The following PCDH15 variants were observed in gnomAD, a reference collection of about 807,000 sequenced individuals.
PCDH15 encodes protocadherin-15.
In PCDH15, 129 loss-of-function variants were observed where a neutral mutation model predicts 178.5. The observed-to-expected ratio is 0.72, with a 90% CI of 0.63 to 0.84. PCDH15 has a LOEUF of 0.84. Ranked by LOEUF, PCDH15 falls within the 40% of genes least tolerant of loss-of-function variation. The pLI, the probability that PCDH15 is intolerant of heterozygous loss-of-function variation, is 0.00. For missense variants in PCDH15, 2,230 were observed against 2,099.9 expected (o/e 1.06, Z -1.21); for synonymous variants, 800 against 732.0 (o/e 1.09, Z -1.50).
intron 8 of PCDH15, among the ~76,000 whole-genome samples, chr10:54,240,935 C>G (rs968610187): frequency 1.2e-4 from 19 of 152,022 alleles, no homozygotes; most frequent in Non-Finnish European, 2.4e-4. Flanking sequence ...CTGGCCAATT[C>G]TGTTATTTTC....
At chr10:54,889,500 G>GAT (rs397688090) in intron 3 of PCDH15, among the ~76,000 whole-genome samples, 94,749 of 141,910 alleles carry the variant, frequency 0.67, 31,618 homozygotes, top group East Asian at 0.86. Context: ...TAATTGTGAA[G>GAT]ATATATATAT....
chr10:54,385,598 A>G (rs1162105805), intron 3 of PCDH15, among the ~76,000 whole-genome samples: 2 of 152,188 alleles, frequency 1.3e-5, no homozygotes, highest in East Asian at 3.9e-4. Context: ...TTAACTAAAG[A>G]GTACTCAAAT....
intron 2 of PCDH15, among the ~76,000 whole-genome samples, chr10:54,952,404 T>C (rs544149152): frequency 5.9e-5 from 9 of 151,954 alleles, no homozygotes; most frequent in Admixed American, 1.3e-4. Context: ...GTGATTGGTG[T>C]AGCTTTATAA....
chr10:54,740,811 T>C (rs1401355341), intron 1 of PCDH15, among the ~76,000 whole-genome samples: 1 of 151,954 alleles, frequency 6.6e-6, no homozygotes, highest in Non-Finnish European at 1.5e-5. Context: ...ATGCGGGAGC[T>C]AAAAAACTTG....
intron 21 of PCDH15, among the ~76,000 whole-genome samples, chr10:53,980,491 AT>A (rs1377104547): frequency 6.6e-6 from 1 of 152,112 alleles, no homozygotes. Context: ...AGGTATTAAT[AT>A]CCTAAAGTTT....
chr10:55,356,090 C>T (rs1845071155), intron 2 of PCDH15, among the ~76,000 whole-genome samples: 1 of 151,826 alleles, frequency 6.6e-6, no homozygotes, highest in Non-Finnish European at 1.5e-5. Context: ...TCTACTAATT[C>T]CGACACAACT....
chr10:54,931,863 C>T (rs1477232777), intron 2 of PCDH15, among the ~76,000 whole-genome samples: 1 of 152,084 alleles, frequency 6.6e-6, no homozygotes, highest in African/African-American at 2.4e-5. Context: ...AGGCTTAGTG[C>T]ATTGTTCAGA....
chr10:54,870,434 T>C (rs940190026), intron 3 of PCDH15, among the ~76,000 whole-genome samples: 2 of 152,158 alleles, frequency 1.3e-5, no homozygotes, highest in South Asian at 2.1e-4. Context: ...TTGATACTTA[T>C]TTGAGAATAT....
chr10:54,201,818 T>C (rs1296667194), intron 10 of PCDH15, among the ~76,000 whole-genome samples: 1 of 152,182 alleles, frequency 6.6e-6, no homozygotes, highest in Non-Finnish European at 1.5e-5. Flanking sequence ...ACACCTTAGA[T>C]TATAGAATGT....
At chr10:55,021,501 ATTTGGTC>A (rs1378945846) in intron 2 of PCDH15, among the ~76,000 whole-genome samples, 1 of 152,156 alleles carries the variant, frequency 6.6e-6, no homozygotes, top group Non-Finnish European at 1.5e-5. Flanking sequence ...ATCCTTCAGA[ATTTGGTC>A]TTTTTTGAAG....
chr10:54,111,150 T>G (rs549955621), intron 15 of PCDH15, among the ~76,000 whole-genome samples: 1 of 152,290 alleles, frequency 6.6e-6, no homozygotes, highest in African/African-American at 2.4e-5. Flanking sequence ...TACTTACACT[T>G]TAATCAACAA....
At chr10:54,355,146 A>G (rs1404744112) in intron 5 of PCDH15, among the ~76,000 whole-genome samples, 2 of 134,106 alleles carry the variant, frequency 1.5e-5, no homozygotes, top group Non-Finnish European at 3.3e-5. Flanking sequence ...AAAAAAAAAA[A>G]TGGCTAAAAC....
Position 54,020,345 on chromosome 10 carries a change from T to C in PCDH15, c.2598A>G (p.Ala866=). 1.9e-6 allele frequency: 3 copies of C among 1,613,818 alleles called. No homozygotes were observed. The highest frequency in any genetic ancestry group is 1.7e-6 in the Non-Finnish European group (2 of 1,179,810). The change falls in exon 20 of 38, where the codon GCA becomes GCG. Residue 866 remains alanine (A), a synonymous_variant. Transcript: ENST00000644397. ...ATAGTTCTCCTGTAAATGGATGTAG[T>C]GCAAAAAAGTGCTTCACTTCTGGGC... ...IRSPEVKHFF[A]LHPFTGELSL...
chr10:55,295,997 C>A (rs1003910823), intron 1 of PCDH15, among the ~76,000 whole-genome samples: 1 of 152,110 alleles, frequency 6.6e-6, no homozygotes, highest in Admixed American at 6.6e-5. Context: ...TTCCCACAAC[C>A]CTCTTCTTAG....
intron 1 of PCDH15, among the ~76,000 whole-genome samples, chr10:54,691,066 GT>G: frequency 6.6e-6 from 1 of 151,976 alleles, no homozygotes. Context: ...AGGAAAATAT[GT>G]TTTAATTATC....
chr10:53,893,993 A>G (rs2081770478), intron 26 of PCDH15, among the ~76,000 whole-genome samples: 1 of 152,196 alleles, frequency 6.6e-6, no homozygotes, highest in Admixed American at 6.5e-5. Context: ...GGTTTGCTAT[A>G]TGGGTAAACT....
intron 3 of PCDH15, among the ~76,000 whole-genome samples, chr10:54,825,877 T>G (rs1195202180): frequency 6.6e-6 from 1 of 152,238 alleles, no homozygotes; most frequent in African/African-American, 2.4e-5. Flanking sequence ...CATAGTGCAC[T>G]TAAACATGTA....
chr10:53,960,966 C>T (rs927941614), intron 22 of PCDH15, among the ~76,000 whole-genome samples: 12 of 151,922 alleles, frequency 7.9e-5, no homozygotes, highest in African/African-American at 2.9e-4. Context: ...TAATACCTTG[C>T]CAGGTAGAGA....
At chr10:54,706,209 T>C (rs2095363349) in intron 1 of PCDH15, among the ~76,000 whole-genome samples, 1 of 152,194 alleles carries the variant, frequency 6.6e-6, no homozygotes, top group African/African-American at 2.4e-5. Flanking sequence ...CATGATAGTA[T>C]GGCTGAAATA....
Sources: gnomAD v4.1 joint callset for allele counts (sites outside exome capture counted in the v4.1 genomes callset) on GRCh38, gnomAD v4.1.1 for gene constraint, MANE v1.5 for transcripts, NCBI Gene and HGNC (gene_info 2026-07-23, HGNC 2026-07-21) for gene names.